Variants in LSM11 observed in about 807,000 individuals in gnomAD.
LSM11 encodes U7 snRNA-associated Sm-like protein LSm11.
In LSM11, 14 loss-of-function variants were observed where a neutral mutation model predicts 28.1. The ratio of observed to expected loss-of-function variants is 0.50; its 90% CI spans 0.33 to 0.78. LSM11 has a LOEUF of 0.78. Among genes scored for constraint, LSM11 ranks in the 30% least tolerant of loss-of-function variants. LSM11 has a pLI of 0.02. For missense variants in LSM11, 495 were observed against 510.6 expected (o/e 0.97, Z 0.30); for synonymous variants, 207 against 214.2 (o/e 0.97, Z 0.30).
At chr5:157,748,580 T>G (rs62387759) in intron 1 of LSM11, among the ~76,000 whole-genome samples, 12,577 of 152,294 alleles carry the variant, frequency 0.083, 703 homozygotes, top group East Asian at 0.17. Context: ...ATATAAGCCC[T>G]GCATCTGGGG....
At chr5:157,747,550 T>C in intron 1 of LSM11, 3 of 228,980 alleles carry the variant, frequency 1.3e-5, no homozygotes, top group Non-Finnish European at 3.0e-5. Flanking sequence ...AAAACAAACC[T>C]GATTTATTGG....
At chr5:157,753,252 TA>T (rs1392900200) in intron 2 of LSM11, among the ~76,000 whole-genome samples, 1 of 152,212 alleles carries the variant, frequency 6.6e-6, no homozygotes, top group African/African-American at 2.4e-5. Context: ...GTAAGCAAGA[TA>T]ATTTCTCTGA....
At chr5:157,751,767 C>T (rs192919558) in intron 2 of LSM11, among the ~76,000 whole-genome samples, 1 of 152,286 alleles carries the variant, frequency 6.6e-6, no homozygotes, top group Admixed American at 6.5e-5. Flanking sequence ...CAGGAACATT[C>T]ATCAATGTCT....
rs550704771 is a variant in LSM11 at position 157,754,781 on chromosome 5, C to A, written c.673-73C>A. 16 of 1,346,342 alleles carry A rather than the reference C, an allele frequency of 1.2e-5. No individual in the cohort carries two copies. The East Asian group carries it at 3.4e-4, about 29-fold the overall frequency. 83.4% of individuals were successfully genotyped at this position (1,346,342 alleles called of 1,614,324 possible). On this transcript the variant is annotated intron_variant, in intron 3 of 3. Transcript: ENST00000286307. ...ACAGAACATAATTAAAGAATTTGGT[C>A]TTTTTCTGTATGTTGAAAGAGGGTG...
chr5:157,750,813 G>A (rs544774354), intron 1 of LSM11, among the ~76,000 whole-genome samples: 1 of 152,218 alleles, frequency 6.6e-6, no homozygotes, highest in Admixed American at 6.5e-5. Flanking sequence ...ATGGAGTCTT[G>A]CTCTGTTGCC....
In LSM11 at chr5:157,756,632, C is replaced by G. The variant is rs1369194344; in HGVS notation, c.*1368C>G. 6.6e-6 allele frequency: 1 copy of G among 152,488 alleles called. No homozygotes were observed. The highest frequency in any genetic ancestry group is 1.5e-5 in the Non-Finnish European group (1 of 68,020). The allele number at this position is 152,488 out of a possible 1,614,324, so 9.4% of individuals were successfully genotyped here. On this transcript the variant is annotated 3_prime_UTR_variant, in exon 4 of 4. Coordinates refer to ENST00000286307, the MANE Select transcript of LSM11 (RefSeq NM_173491.4). ...GTTTAGGGAGCTGGGACACCTGGTC[C>G]TGCTAGCTGGACCACTGGCTCATCA...
intron 3 of LSM11, 110 bp downstream of exon 3, chr5:157,754,197 A>G: frequency 3.0e-6 from 2 of 667,452 alleles, no homozygotes; most frequent in South Asian, 6.1e-5. Context: ...CTCTGTTGCT[A>G]TAAACCAGCT....
chr5:157,751,340 G>A lies in LSM11; in HGVS notation c.449-50G>A, dbSNP rs569337594. On this transcript the variant is annotated intron_variant, in intron 1 of 3. Transcript: ENST00000286307. ...TTGGGTGGTCGTGGCTTAATTCTGG[G>A]AATGAGGGCAGATATTAAAACTGTC... 5 of 1,508,648 alleles carry A rather than the reference G, an allele frequency of 3.3e-6. No individual in the cohort carries two copies. In the South Asian group the frequency reaches 6.9e-5, roughly 21 times the overall value. The allele number at this position is 1,508,648 out of a possible 1,614,324, so 93.5% of individuals were successfully genotyped here. A position where few individuals can be genotyped will look rare whatever the true frequency, so the allele number is the denominator to read the frequency against.
chr5:157,751,249 A>C (rs1251997409), intron 1 of LSM11, 141 bp from the exon 2 acceptor site: 1 of 877,114 alleles, frequency 1.1e-6, no homozygotes, highest in Non-Finnish European at 1.7e-6. Flanking sequence ...CATGTTGCCC[A>C]TTGGACCTTC....
chr5:157,748,971 G>A (rs1465544281), intron 1 of LSM11, among the ~76,000 whole-genome samples: 1 of 152,212 alleles, frequency 6.6e-6, no homozygotes, highest in Non-Finnish European at 1.5e-5. Flanking sequence ...GAAAGAGAAT[G>A]TGCACTCTGA....
At chr5:157,754,568 T>C (rs940041831) in intron 3 of LSM11, among the ~76,000 whole-genome samples, 1 of 151,776 alleles carries the variant, frequency 6.6e-6, no homozygotes, top group Non-Finnish European at 1.5e-5. Context: ...GGCAGGCGCC[T>C]GTAGTCCTAG....
chr5:157,752,231 A>AG (rs1404015459), intron 2 of LSM11, among the ~76,000 whole-genome samples: 1 of 148,132 alleles, frequency 6.8e-6, no homozygotes, highest in African/African-American at 2.5e-5. Context: ...GCACAATCTC[A>AG]GCTCACTGCA....
In LSM11 at chr5:157,743,779, C is replaced by T. The variant is rs749367595; in HGVS notation, c.29C>T (p.Ser10Leu). 11 of 1,418,116 alleles carry T rather than the reference C, an allele frequency of 7.8e-6. No individual in the cohort carries two copies. The highest frequency in any genetic ancestry group is 3.1e-5 in the Admixed American group (1 of 32,436). The allele number at this position is 1,418,116 out of a possible 1,614,324, so 87.8% of individuals were successfully genotyped here. A position where few individuals can be genotyped will look rare whatever the true frequency, so the allele number is the denominator to read the frequency against. The part of the protein sequence containing the change: MEERERGAR[S>L]AGAGSPARPP... ...GAGGAGCGGGAGCGGGGGGCGAGGT[C>T]GGCTGGCGCCGGGAGCCCCGCGCGC... Residue 10 changes from serine (S) to leucine (L), a missense_variant, in exon 1 of 4, where the codon TCG becomes TTG. Transcript: ENST00000286307.
intron 1 of LSM11, among the ~76,000 whole-genome samples, chr5:157,749,256 G>A (rs1761189533): frequency 6.6e-6 from 1 of 152,058 alleles, no homozygotes; most frequent in Admixed American, 6.6e-5. Context: ...TAATGTCCCT[G>A]TTTTTTTCCA....
intron 1 of LSM11, among the ~76,000 whole-genome samples, chr5:157,746,219 A>G (rs1373019355): frequency 6.6e-6 from 1 of 152,248 alleles, no homozygotes; most frequent in Non-Finnish European, 1.5e-5. Flanking sequence ...AGATAATACT[A>G]TTTGTGGACA....
rs748622801 is a variant in LSM11 at position 157,744,064 on chromosome 5, C to G, written c.314C>G (p.Pro105Arg). The part of the protein sequence containing the change: ...RTRRRPDAPA[P>R]DPERIQRLRR... The stretch of plus-strand genomic sequence containing the variant: ...CGTCGCCGCCCGGACGCGCCCGCCC[C>G]GGACCCCGAGCGCATCCAGCGCCTC... The change falls in exon 1 of 4, where the codon CCG becomes CGG. Residue 105 changes from proline (P) to arginine (R), a missense_variant. Physicochemically the swap from Pro to Arg is moderately radical, Grantham distance 103. Coordinates refer to ENST00000286307, the MANE Select transcript of LSM11 (RefSeq NM_173491.4). The G allele has an allele frequency of 1.6e-5, 24 of 1,465,718 alleles. 1 individual carries two copies. In the South Asian group the frequency reaches 3.0e-4, roughly 18 times the overall value. The allele number at this position is 1,465,718 out of a possible 1,614,324, so 90.8% of individuals were successfully genotyped here. A position where few individuals can be genotyped will look rare whatever the true frequency, so the allele number is the denominator to read the frequency against.
Position 157,755,266 on chromosome 5 carries a change from C to T in LSM11, c.*2C>T, listed in dbSNP as rs1279436038. ...CTGCTGGTTCATCTTGCACAGTGAC[C>T]AGCTCAGCCTGAGCTTTGGTTTTTA... is the stretch of plus-strand genomic sequence containing the variant. On this transcript the variant is annotated 3_prime_UTR_variant, in exon 4 of 4. Coordinates refer to ENST00000286307, the MANE Select transcript of LSM11 (RefSeq NM_173491.4). 6.2e-6 allele frequency: 10 copies of T among 1,612,090 alleles called. No homozygotes were observed. Among genetic ancestry groups the T allele is most frequent in the Non-Finnish European group, 7.6e-6 (9 of 1,178,904 alleles).
In LSM11 at chr5:157,759,495, T is replaced by A. The variant is rs538366535; in HGVS notation, c.*4231T>A. On this transcript the variant is annotated 3_prime_UTR_variant, in exon 4 of 4. Coordinates refer to ENST00000286307, the MANE Select transcript of LSM11 (RefSeq NM_173491.4). ...GCCTCTAGGAAAAAATTAAAACTAT[T>A]CAATGACAGCTAGCTGTCACTGGTG... is the stretch of plus-strand genomic sequence containing the variant. 4.2e-4 allele frequency: 64 copies of A among 152,320 alleles called. No homozygotes were observed. The highest frequency in any genetic ancestry group is 1.5e-3 in the African/African-American group (64 of 41,578). 9.4% of individuals were successfully genotyped at this position (152,320 alleles called of 1,614,324 possible). A position where few individuals can be genotyped will look rare whatever the true frequency, so the allele number is the denominator to read the frequency against.
intron 2 of LSM11, among the ~76,000 whole-genome samples, chr5:157,753,289 G>A (rs1761271082): frequency 6.6e-6 from 1 of 151,914 alleles, no homozygotes; most frequent in African/African-American, 2.4e-5. Context: ...TTTCCAAAAT[G>A]CAGGGAAAAA....
Sources: gnomAD v4.1 joint callset for allele counts (sites outside exome capture counted in the v4.1 genomes callset) on GRCh38, gnomAD v4.1.1 for gene constraint, MANE v1.5 for transcripts, NCBI Gene and HGNC (gene_info 2026-07-23, HGNC 2026-07-21) for gene names.